The following CPNE4 variants were observed in gnomAD, a reference collection of about 807,000 sequenced individuals.
CPNE4 encodes the protein copine-4.
A neutral mutation model predicts 67.9 loss-of-function variants in CPNE4; 25 were observed. That is an observed-to-expected ratio of 0.37 (90% CI 0.27 to 0.51). The LOEUF (loss-of-function observed/expected upper bound fraction) is 0.51, where lower values mean the gene tolerates loss of function less well. CPNE4 is among the 20% of genes least tolerant of loss of function. The probability of loss-of-function intolerance (pLI) is 0.93; values close to 1 mark genes in which losing one functional copy is unlikely to be tolerated. For missense variants in CPNE4, 464 were observed against 690.8 expected (o/e 0.67, Z 3.68); for synonymous variants, 242 against 244.9 (o/e 0.99, Z 0.11).
chr3:131,593,174 G>A (rs1015096479), intron 7 of CPNE4, among the ~76,000 whole-genome samples: 1 of 152,104 alleles, frequency 6.6e-6, no homozygotes, highest in Non-Finnish European at 1.5e-5. Flanking sequence ...ATGAATTTTA[G>A]GATTGCTTTT....
intron 7 of CPNE4, among the ~76,000 whole-genome samples, chr3:131,632,005 G>A (rs1009698701): frequency 6.6e-6 from 1 of 150,744 alleles, no homozygotes; most frequent in African/African-American, 2.4e-5. Context: ...GAGGGAGGCT[G>A]AGGCACGAGA....
intron 1 of CPNE4, among the ~76,000 whole-genome samples, chr3:131,977,602 C>T (rs2072697187): frequency 6.6e-6 from 1 of 151,954 alleles, no homozygotes; most frequent in South Asian, 2.1e-4. Context: ...ACAATAGAAA[C>T]CACTGCTATG....
At chr3:131,748,680 C>T (rs1185463827) in intron 2 of CPNE4, among the ~76,000 whole-genome samples, 1 of 152,060 alleles carries the variant, frequency 6.6e-6, no homozygotes, top group Non-Finnish European at 1.5e-5. Context: ...CATAAAGTGA[C>T]ATTGTCAAAT....
intron 1 of CPNE4, among the ~76,000 whole-genome samples, chr3:131,987,808 C>T (rs1287161378): frequency 6.6e-6 from 1 of 152,172 alleles, no homozygotes; most frequent in Non-Finnish European, 1.5e-5. Context: ...CCAAGCAATT[C>T]TGATGCTCGA....
At chr3:131,725,698 G>C (rs907418588) in intron 2 of CPNE4, among the ~76,000 whole-genome samples, 1 of 152,164 alleles carries the variant, frequency 6.6e-6, no homozygotes, top group South Asian at 2.1e-4. Context: ...GGGATAAGCT[G>C]ACTTGAAGGT....
chr3:131,899,513 T>A (rs948879750), intron 2 of CPNE4, among the ~76,000 whole-genome samples: 7 of 152,078 alleles, frequency 4.6e-5, no homozygotes, highest in Non-Finnish European at 8.8e-5. Flanking sequence ...TTGCAACCTT[T>A]GAAAAAGCAG....
chr3:131,674,107 G>A (rs1459837505), intron 6 of CPNE4, among the ~76,000 whole-genome samples: 8 of 152,002 alleles, frequency 5.3e-5, no homozygotes, highest in Admixed American at 2.6e-4. Context: ...TTGGTATGAT[G>A]TATCACATTG....
chr3:131,943,695 G>A (rs985123528), intron 1 of CPNE4, among the ~76,000 whole-genome samples: 5 of 152,026 alleles, frequency 3.3e-5, no homozygotes, highest in Admixed American at 2.0e-4. Context: ...TCCATCAGAA[G>A]TTAGCACAGA....
At chr3:131,848,981 A>AAAAAAAAAAAAAAAAAAAAAAAC (rs1297906130) in intron 2 of CPNE4, among the ~76,000 whole-genome samples, 1 of 141,770 alleles carries the variant, frequency 7.1e-6, no homozygotes, top group African/African-American at 2.5e-5. Flanking sequence ...AAAAAAAAAA[A>AAAAAAAAAAAAAAAAAAAAAAAC]ACACAGAGAT....
At chr3:131,923,078 T>A (rs1706880643) in intron 1 of CPNE4, among the ~76,000 whole-genome samples, 1 of 152,176 alleles carries the variant, frequency 6.6e-6, no homozygotes, top group Non-Finnish European at 1.5e-5. Flanking sequence ...ATTGAACATG[T>A]GGGACTCTTT....
chr3:131,731,343 G>C (rs182666813), intron 2 of CPNE4, among the ~76,000 whole-genome samples: 1 of 152,132 alleles, frequency 6.6e-6, no homozygotes, highest in African/African-American at 2.4e-5. Context: ...AGTATCCCCC[G>C]TAGGCACCAT....
chr3:131,767,434 T>C (rs2083049631), intron 2 of CPNE4, among the ~76,000 whole-genome samples: 7 of 152,106 alleles, frequency 4.6e-5, no homozygotes, highest in Admixed American at 4.6e-4. Flanking sequence ...CATGCAGGAC[T>C]CAATAAAGAA....
chr3:131,934,152 T>G (rs1237063591), intron 1 of CPNE4, among the ~76,000 whole-genome samples: 1 of 152,126 alleles, frequency 6.6e-6, no homozygotes, highest in East Asian at 1.9e-4. Flanking sequence ...CTATGTTAAA[T>G]GCTGTTATGA....
At chr3:131,841,952 G>T (rs1011733574) in intron 2 of CPNE4, among the ~76,000 whole-genome samples, 15 of 152,210 alleles carry the variant, frequency 9.9e-5, no homozygotes, top group Non-Finnish European at 1.5e-4. Context: ...GTGTGTGCGT[G>T]TGTGTAAAAC....
rs139220884 is a variant in CPNE4 at position 131,570,996 on chromosome 3, A to ATACTTACT, written c.927+4074_927+4075insAGTAAGTA. Among the ~76,000 whole-genome samples the ATACTTACT allele has an allele frequency of 2.0e-5, 3 of 151,952 alleles. No individual in the cohort carries two copies. In the East Asian group the frequency reaches 5.9e-4, roughly 30 times the overall value. On this transcript the variant is annotated intron_variant, in intron 10 of 15. Coordinates refer to ENST00000429747, the MANE Select transcript of CPNE4 (RefSeq NM_130808.3). ...CCTTCACTGTTAACTTCTTGAATGA[A>ATACTTACT]TACTTACACCTGCTGTGTTCACTTC...
chr3:131,670,493 A>G (rs946006450), intron 6 of CPNE4, among the ~76,000 whole-genome samples: 1 of 152,220 alleles, frequency 6.6e-6, no homozygotes, highest in Non-Finnish European at 1.5e-5. Flanking sequence ...CTATGGTTCA[A>G]ATAATTCAAT....
At chr3:132,038,003 C>CT (rs35184182), upstream of CPNE4, 28,072 of 145,422 alleles carry the variant, frequency 0.19, 3,662 homozygotes, top group African/African-American at 0.37. Context: ...TATTTTCTTT[C>CT]TTTTTTTTTT....
At chr3:131,839,122 T>TA (rs879718761) in intron 2 of CPNE4, among the ~76,000 whole-genome samples, 6 of 151,156 alleles carry the variant, frequency 4.0e-5, no homozygotes, top group African/African-American at 7.2e-5. Context: ...ATCACCTTTG[T>TA]AAAAAAAAAT....
At chr3:131,637,993 T>G (rs1309239162) in intron 7 of CPNE4, among the ~76,000 whole-genome samples, 1 of 152,168 alleles carries the variant, frequency 6.6e-6, no homozygotes, top group Admixed American at 6.5e-5. Context: ...GCTGAGCTAA[T>G]TTGCCACTAC....
Sources: allele counts gnomAD v4.1 joint callset (sites outside exome capture counted in the v4.1 genomes callset), GRCh38; gene constraint gnomAD v4.1.1; transcripts MANE v1.5; gene names NCBI Gene and HGNC (gene_info 2026-07-23, HGNC 2026-07-21).